SEMA5B: variants seen among roughly 807,000 people sequenced by gnomAD.
SEMA5B encodes semaphorin-5B.
Under a neutral mutation model 135.0 loss-of-function variants are expected in SEMA5B, and 66 were observed. That is an observed-to-expected ratio of 0.49 (90% CI 0.40 to 0.60). The LOEUF (loss-of-function observed/expected upper bound fraction) is 0.60, where lower values mean the gene tolerates loss of function less well. Ranked by LOEUF, SEMA5B falls within the 20% of genes least tolerant of loss-of-function variation. The pLI, the probability that SEMA5B is intolerant of heterozygous loss-of-function variation, is 0.00. For synonymous variants in SEMA5B, 690 were observed against 639.5 expected (o/e 1.08, Z -1.19); for missense variants, 1,501 against 1,566.3 (o/e 0.96, Z 0.70).
chr3:122,921,859 C>G (rs1560296139), intron 12 of SEMA5B, 56 bp downstream of exon 12: 29 of 1,451,210 alleles, frequency 2.0e-5, no homozygotes, highest in Non-Finnish European at 2.7e-5. Context: ...AAAGCCCCGC[C>G]TCTTAAGCGC....
intron 5 of SEMA5B, among the ~76,000 whole-genome samples, chr3:122,934,187 G>A (rs551684514): frequency 9.9e-5 from 15 of 151,782 alleles, no homozygotes; most frequent in East Asian, 1.9e-4. Flanking sequence ...GATTACAGGC[G>A]TGAGCCACCG....
chr3:122,976,745 T>C (rs938370492), intron 1 of SEMA5B, among the ~76,000 whole-genome samples: 1 of 152,148 alleles, frequency 6.6e-6, no homozygotes, highest in African/African-American at 2.4e-5. Context: ...CAAACACATC[T>C]GAGTGATTTA....
intron 9 of SEMA5B, among the ~76,000 whole-genome samples, chr3:122,924,061 G>C (rs1938505780): frequency 1.3e-5 from 2 of 152,082 alleles, no homozygotes; most frequent in African/African-American, 4.8e-5. Context: ...CGTGGTAAGA[G>C]ATATATTTTA....
Position 122,913,597 on chromosome 3 carries a change from T to C in SEMA5B, c.2217A>G (p.Gly739=). 6.2e-7 allele frequency: 1 copy of C among 1,613,250 alleles called. No individual in the cohort carries two copies. ...CCCGACGCCGCGACTGCATGCCCCC[T>C]CCACAGTTGCTGCTGCACTTGCTCC... The part of the protein sequence containing the change: ...GSWSKCSSNC[G]GGMQSRRRAC... Residue 739 remains glycine (G), a synonymous_variant, in exon 16 of 23, where the codon GGA becomes GGG. Transcript: ENST00000357599.
chr3:123,004,704 G>C (rs940866570), intron 1 of SEMA5B, among the ~76,000 whole-genome samples: 1 of 152,116 alleles, frequency 6.6e-6, no homozygotes, highest in Non-Finnish European at 1.5e-5. Flanking sequence ...AATATGTTAC[G>C]GCTGGCCTCC....
chr3:123,015,848 C>T (rs1942542140), intron 1 of SEMA5B, among the ~76,000 whole-genome samples: 1 of 152,246 alleles, frequency 6.6e-6, no homozygotes, highest in South Asian at 2.1e-4. Flanking sequence ...GGTCCACTCA[C>T]ATTCCCAGCC....
intron 1 of SEMA5B, among the ~76,000 whole-genome samples, chr3:123,009,253 C>T (rs1042858439): frequency 6.6e-6 from 1 of 152,172 alleles, no homozygotes; most frequent in African/African-American, 2.4e-5. Flanking sequence ...GGGGTTGAGA[C>T]TTCCCTACTT....
chr3:123,021,188 GGGT>G lies in SEMA5B; in HGVS notation c.-39+6273_-39+6275del, dbSNP rs113208677. Among the ~76,000 whole-genome samples, 492 of 152,328 alleles carry G rather than the reference GGGT, an allele frequency of 3.2e-3. 5 individuals carry two copies. Among genetic ancestry groups the G allele is most frequent in the African/African-American group, 0.011 (461 of 41,578 alleles). ...AGCCCGGATCCCGGGAAATCTGCAG[GGGT>G]CTGACCCTGCATCAGCCAGAGCTAG... On this transcript the variant is annotated intron_variant, in intron 1 of 22. Transcript: ENST00000357599.
intron 18 of SEMA5B, 104 bp from the exon 19 acceptor site, chr3:122,912,446 C>A (rs1418331628): frequency 2.8e-6 from 3 of 1,089,602 alleles, no homozygotes; most frequent in Non-Finnish European, 3.8e-6. Context: ...GCCACAGTGA[C>A]CTCAACATCC....
Position 122,921,998 on chromosome 3 carries a change from G to A in SEMA5B, c.1605C>T (p.His535=). The A allele has an allele frequency of 2.0e-6, 3 of 1,532,876 alleles. No homozygotes were observed. Among genetic ancestry groups the A allele is most frequent in the Non-Finnish European group, 2.6e-6 (3 of 1,143,152 alleles). The allele number at this position is 1,532,876 out of a possible 1,614,324, so 95.0% of individuals were successfully genotyped here. A position where few individuals can be genotyped will look rare whatever the true frequency, so the allele number is the denominator to read the frequency against. ...GCCCCACGAAGAGCGCGCGGGCGCT[G>A]TGCAGGATGCGCAGGCTGCGCAGGG... ...REPLRSLRIL[H]SARALFVGLR... The change falls in exon 12 of 23, where the codon CAC becomes CAT. Residue 535 remains histidine, a synonymous_variant. Coordinates refer to ENST00000357599, the MANE Select transcript of SEMA5B (RefSeq NM_001031702.4).
At chr3:122,995,007 G>A (rs1271896261) in intron 1 of SEMA5B, among the ~76,000 whole-genome samples, 1 of 152,158 alleles carries the variant, frequency 6.6e-6, no homozygotes, top group African/African-American at 2.4e-5. Context: ...TGAGAGGGGT[G>A]TTTAGCAGGA....
intron 1 of SEMA5B, among the ~76,000 whole-genome samples, chr3:123,011,165 C>T (rs553480277): frequency 2.2e-4 from 34 of 152,198 alleles, no homozygotes; most frequent in Non-Finnish European, 3.5e-4. Context: ...CTCCCACCCC[C>T]ATCAGAGCGG....
At chr3:122,970,858 G>T (rs1355401589) in intron 1 of SEMA5B, among the ~76,000 whole-genome samples, 1 of 152,210 alleles carries the variant, frequency 6.6e-6, no homozygotes, top group African/African-American at 2.4e-5. Context: ...AAACTGCCCA[G>T]AGAAACAGGG....
At chr3:123,022,537 G>A (rs6804078) in intron 1 of SEMA5B, among the ~76,000 whole-genome samples, 37,406 of 152,128 alleles carry the variant, frequency 0.25, 8,415 homozygotes, top group African/African-American at 0.6. Context: ...GTCAGAGAGT[G>A]GAGGAGAATC....
intron 1 of SEMA5B, among the ~76,000 whole-genome samples, chr3:122,988,835 C>T (rs989994881): frequency 6.6e-6 from 1 of 152,236 alleles, no homozygotes; most frequent in Non-Finnish European, 1.5e-5. Context: ...CTGGGAGCTC[C>T]TCGAAGCCAG....
At chr3:122,938,107 C>T (rs1453029768) in intron 5 of SEMA5B, among the ~76,000 whole-genome samples, 1 of 152,220 alleles carries the variant, frequency 6.6e-6, no homozygotes, top group African/African-American at 2.4e-5. Context: ...GCTGCACAGC[C>T]CCTCAAGGGA....
chr3:122,913,808 T>G, intron 15 of SEMA5B, 50 bp downstream of exon 15: 1 of 1,566,210 alleles, frequency 6.4e-7, no homozygotes, highest in Non-Finnish European at 8.7e-7. Flanking sequence ...GGCCACTTTC[T>G]GGGGGGCCCG....
At chr3:122,962,228 G>A (rs557615445) in intron 1 of SEMA5B, among the ~76,000 whole-genome samples, 31 of 152,298 alleles carry the variant, frequency 2.0e-4, no homozygotes, top group Admixed American at 3.3e-4. Context: ...AGGGACTCCC[G>A]CTCAGTCATT....
intron 1 of SEMA5B, among the ~76,000 whole-genome samples, chr3:122,978,235 C>T (rs928300693): frequency 4.6e-5 from 7 of 152,244 alleles, no homozygotes; most frequent in Admixed American, 3.9e-4. Flanking sequence ...CTGTCCCATG[C>T]GAGTCGGTGG....
Sources: gnomAD v4.1 joint callset for allele counts (sites outside exome capture counted in the v4.1 genomes callset) on GRCh38, gnomAD v4.1.1 for gene constraint, MANE v1.5 for transcripts, NCBI Gene and HGNC (gene_info 2026-07-23, HGNC 2026-07-21) for gene names.